TSR2: variants seen among roughly 807,000 people sequenced by gnomAD.
The protein encoded by TSR2 is pre-rRNA-processing protein TSR2 homolog.
TSR2 carries 1 observed loss-of-function variant against 13.3 expected under a neutral mutation model. That is an observed-to-expected ratio of 0.08 (90% CI 0.03 to 0.36). The LOEUF (loss-of-function observed/expected upper bound fraction) is 0.36, where lower values mean the gene tolerates loss of function less well. Ranked by LOEUF, TSR2 falls within the 10% of genes least tolerant of loss-of-function variation. The pLI, the probability that TSR2 is intolerant of heterozygous loss-of-function variation, is 0.99. For synonymous variants in TSR2, 60 were observed against 57.7 expected (o/e 1.04, Z -0.18); for missense variants, 120 against 151.1 (o/e 0.79, Z 1.08).
rs1922275581 is a variant in TSR2 at position 54,447,977 on chromosome X, C to T, written c.*3427C>T. 9.0e-6 allele frequency among the ~76,000 whole-genome samples: 1 copy of T among 111,311 alleles called. No individual in the cohort carries two copies. The highest frequency in any genetic ancestry group is 9.6e-5 in the Admixed American group (1 of 10,432). On this transcript the variant is annotated 3_prime_UTR_variant, in exon 5 of 5. Coordinates refer to ENST00000375151, the MANE Select transcript of TSR2 (RefSeq NM_058163.3). The stretch of plus-strand genomic sequence containing the variant: ...AAAGTGCTTAGAATAGTTCCTGGCA[C>T]AGAGTAAGTACTCTTTTAAGTGTTA...
intron 2 of TSR2, among the ~76,000 whole-genome samples, chrX:54,442,244 A>G (rs1921963748): frequency 9.0e-6 from 1 of 111,432 alleles, no homozygotes; most frequent in African/African-American, 3.3e-5. Context: ...CTAGAAACTG[A>G]TGAGGCCTGA....
rs1364991204 is a variant in TSR2 at position 54,440,776 on chromosome X, C to T, written c.168C>T (p.Arg56=). ...LGGAVEDYFM[R]NADLELDEVE... ...GTGCAGTGGAGGATTACTTCATGCGCAATGGTGAGTGAATGTGAGGCGCCG... is the reference window on the plus strand; with the variant it reads ...GTGCAGTGGAGGATTACTTCATGCGTAATGGTGAGTGAATGTGAGGCGCCG... Residue 56 remains arginine, a synonymous_variant, in exon 2 of 5, where the codon CGC becomes CGT. Coordinates refer to ENST00000375151, the MANE Select transcript of TSR2 (RefSeq NM_058163.3). 1 of 1,188,723 alleles carries T rather than the reference C, an allele frequency of 8.4e-7. No homozygotes were observed. Among genetic ancestry groups the T allele is most frequent in the Non-Finnish European group, 1.1e-6 (1 of 883,042 alleles).
intron 4 of TSR2, 99 bp downstream of exon 4, chrX:54,444,283 T>C: frequency 8.6e-7 from 1 of 1,160,274 alleles, no homozygotes; most frequent in Non-Finnish European, 1.2e-6. Flanking sequence ...TGGTGGTGGT[T>C]GGTGGTAGTA....
Position 54,444,572 on chromosome X carries a change from T to C in TSR2, c.*22T>C. 1 of 1,204,739 alleles carries C rather than the reference T, an allele frequency of 8.3e-7. No individual in the cohort carries two copies. Among genetic ancestry groups the C allele is most frequent in the Non-Finnish European group, 1.1e-6 (1 of 891,893 alleles). ...ATGAGTGGGGATGATTGGAAATGGC[T>C]TTGGGCCCTTATTTGCTGTTCTAAG... is the stretch of plus-strand genomic sequence containing the variant. On this transcript the variant is annotated 3_prime_UTR_variant, in exon 5 of 5. Transcript: ENST00000375151.
chrX:54,443,898 C>G, intron 3 of TSR2, 110 bp from the exon 4 acceptor site: 2 of 1,075,725 alleles, frequency 1.9e-6, no homozygotes, highest in Non-Finnish European at 2.5e-6. Context: ...GGAAAGAGCT[C>G]TGTTCTCTTC....
chrX:54,447,387 C>T lies in TSR2; in HGVS notation c.*2837C>T. 2 of 1,211,416 alleles carry T rather than the reference C, an allele frequency of 1.7e-6. No homozygotes were observed. The highest frequency in any genetic ancestry group is 2.2e-6 in the Non-Finnish European group (2 of 895,090). On this transcript the variant is annotated 3_prime_UTR_variant, in exon 5 of 5. Transcript: ENST00000375151. Reference sequence around the variant, plus strand: ...GAACCATGCCTTGTGCCATCCTTTGCCACCCTTCTCCATGTAGTGCAGGAA... The same window carrying T: ...GAACCATGCCTTGTGCCATCCTTTGTCACCCTTCTCCATGTAGTGCAGGAA...
At position 54,447,077 on chromosome X, in the gene TSR2, A is replaced by G. The variant is rs2147420713; in HGVS notation, c.*2527A>G. ...TTGGACCTAGCAGTTCCCCATCTCTACTCCTTCCAGGAAGCCAGGCCCACA... is the reference window on the plus strand; with the variant it reads ...TTGGACCTAGCAGTTCCCCATCTCTGCTCCTTCCAGGAAGCCAGGCCCACA... On this transcript the variant is annotated 3_prime_UTR_variant, in exon 5 of 5. Coordinates refer to ENST00000375151, the MANE Select transcript of TSR2 (RefSeq NM_058163.3). Among the ~76,000 whole-genome samples the G allele has an allele frequency of 9.1e-6, 1 of 110,414 alleles. No homozygotes were observed. The highest frequency in any genetic ancestry group is 9.7e-5 in the Admixed American group (1 of 10,357).
rs982602987 is a variant in TSR2 at position 54,443,949 on chromosome X, G to A, written c.265-59G>A. 10 of 1,176,921 alleles carry A rather than the reference G, an allele frequency of 8.5e-6. No homozygotes were observed. In the African/African-American group the frequency reaches 8.9e-5, roughly 10 times the overall value. ...TACTCCCCACTGTTGCTTCAAACACGTGCTGTTTGTATAGTAGATATCTGG... is the reference window on the plus strand; with the variant it reads ...TACTCCCCACTGTTGCTTCAAACACATGCTGTTTGTATAGTAGATATCTGG... On this transcript the variant is annotated intron_variant, in intron 3 of 4. Coordinates refer to ENST00000375151, the MANE Select transcript of TSR2 (RefSeq NM_058163.3).
At position 54,446,905 on chromosome X, in the gene TSR2, G is replaced by A. The variant is rs1922212879; in HGVS notation, c.*2355G>A. Among the ~76,000 whole-genome samples the A allele has an allele frequency of 9.1e-6, 1 of 109,639 alleles. No homozygotes were observed. Among genetic ancestry groups the A allele is most frequent in the Non-Finnish European group, 1.9e-5 (1 of 52,697 alleles). ...CGCCAGGCTAATTTTTGTATTTTTA[G>A]TAGAGACGGGGTTTCACCATGTTGG... is the stretch of plus-strand genomic sequence containing the variant. On this transcript the variant is annotated 3_prime_UTR_variant, in exon 5 of 5. Transcript: ENST00000375151.
rs779172502 is a variant in TSR2 at position 54,447,897 on chromosome X, A to G, written c.*3347A>G. ...GAATCCCAGCTCTAGATGAAAATGT[A>G]TTGACTTGGAGAGCAAAGAGAGCTG... On this transcript the variant is annotated 3_prime_UTR_variant, in exon 5 of 5. Coordinates refer to ENST00000375151, the MANE Select transcript of TSR2 (RefSeq NM_058163.3). 2.7e-5 allele frequency among the ~76,000 whole-genome samples: 3 copies of G among 112,087 alleles called. No individual in the cohort carries two copies. The highest frequency in any genetic ancestry group is 9.7e-5 in the African/African-American group (3 of 30,830).
rs1601947359 is a variant in TSR2, at chrX:54,447,073, C to T, written c.*2523C>T. Among the ~76,000 whole-genome samples the T allele has an allele frequency of 1.8e-5, 2 of 111,699 alleles. No individual in the cohort carries two copies. The highest frequency in any genetic ancestry group is 3.8e-4 in the South Asian group (1 of 2,662). Reference sequence around the variant, plus strand: ...CAAATTGGACCTAGCAGTTCCCCATCTCTACTCCTTCCAGGAAGCCAGGCC... The same window carrying T: ...CAAATTGGACCTAGCAGTTCCCCATTTCTACTCCTTCCAGGAAGCCAGGCC... On this transcript the variant is annotated 3_prime_UTR_variant, in exon 5 of 5. Transcript: ENST00000375151.
chrX:54,440,812 G>A, intron 2 of TSR2, 32 bp downstream of exon 2: 2 of 1,091,120 alleles, frequency 1.8e-6, no homozygotes, highest in East Asian at 6.3e-5. Context: ...CGACCCGCCT[G>A]TGTGGGGGTG....
At position 54,446,347 on chromosome X, in the gene TSR2, C is replaced by A; in HGVS notation, c.*1797C>A. The A allele has an allele frequency of 1.7e-6, 2 of 1,210,791 alleles. No homozygotes were observed. The highest frequency in any genetic ancestry group is 2.2e-6 in the Non-Finnish European group (2 of 894,957). Reference sequence around the variant, plus strand: ...CTTGAAGACATGCCTTCTGTCAGGCCGCTCCCCTGCCTCGGGCGGTCCCAC... The same window carrying A: ...CTTGAAGACATGCCTTCTGTCAGGCAGCTCCCCTGCCTCGGGCGGTCCCAC... On this transcript the variant is annotated 3_prime_UTR_variant, in exon 5 of 5. Transcript: ENST00000375151.
Position 54,447,104 on chromosome X carries a change from C to G in TSR2, c.*2554C>G, listed in dbSNP as rs1249380769. Among the ~76,000 whole-genome samples, 1 of 111,977 alleles carries G rather than the reference C, an allele frequency of 8.9e-6. No individual in the cohort carries two copies. The highest frequency in any genetic ancestry group is 1.9e-5 in the Non-Finnish European group (1 of 53,181). ...TCCTTCCAGGAAGCCAGGCCCACAA[C>G]TCATCCTGGTTTTCCCTACATACCA... is the stretch of plus-strand genomic sequence containing the variant. On this transcript the variant is annotated 3_prime_UTR_variant, in exon 5 of 5. Coordinates refer to ENST00000375151, the MANE Select transcript of TSR2 (RefSeq NM_058163.3).
At chrX:54,443,972 TG>T in intron 3 of TSR2, 35 bp from the exon 4 acceptor site, 1 of 1,201,069 alleles carries the variant, frequency 8.3e-7, no homozygotes, top group Non-Finnish European at 1.1e-6. Flanking sequence ...AGTAGATATC[TG>T]GAAAATCCAA....
chrX:54,441,734 C>T (rs776206813), intron 2 of TSR2, among the ~76,000 whole-genome samples: 1 of 110,746 alleles, frequency 9.0e-6, no homozygotes, highest in South Asian at 3.8e-4. Flanking sequence ...GGCGTGTGTG[C>T]GTGGGGGGTG....
Position 54,447,648 on chromosome X carries a change from G to C in TSR2, c.*3098G>C, listed in dbSNP as rs756607152. Among the ~76,000 whole-genome samples the C allele has an allele frequency of 8.9e-6, 1 of 112,900 alleles. No homozygotes were observed. The highest frequency in any genetic ancestry group is 2.8e-4 in the East Asian group (1 of 3,593). ...CTGAGATTCAAAGCTAGGTTCGTCT[G>C]CCTCATTTGGGCAACGGCTGCTGCC... On this transcript the variant is annotated 3_prime_UTR_variant, in exon 5 of 5. Coordinates refer to ENST00000375151, the MANE Select transcript of TSR2 (RefSeq NM_058163.3).
At position 54,446,494 on chromosome X, in the gene TSR2, A is replaced by T. The variant is rs1601946776; in HGVS notation, c.*1944A>T. ...CCCCAGCTTCTAACTGGTTTTGCAT[A>T]TGCTCTGTCTTCAGTCCCCTACTCA... On this transcript the variant is annotated 3_prime_UTR_variant, in exon 5 of 5. Transcript: ENST00000375151. 2.1e-6 allele frequency: 2 copies of T among 975,169 alleles called. No homozygotes were observed. The highest frequency in any genetic ancestry group is 2.8e-6 in the Non-Finnish European group (2 of 704,162). The allele number at this position is 975,169 out of a possible 1,213,427, so 80.4% of individuals were successfully genotyped here. A position where few individuals can be genotyped will look rare whatever the true frequency, so the allele number is the denominator to read the frequency against.
Position 54,440,770 on chromosome X carries a change from C to A in TSR2, c.162C>A (p.Phe54Leu). 8.4e-7 allele frequency: 1 copy of A among 1,196,826 alleles called. No homozygotes were observed. The highest frequency in any genetic ancestry group is 1.1e-6 in the Non-Finnish European group (1 of 887,660). The change falls in exon 2 of 5, where the codon TTC (phenylalanine) becomes TTA (leucine). Residue 54 changes from phenylalanine to leucine, a missense_variant. Phe to Leu is a conservative substitution (Grantham distance 22). Around this residue, in one of 3 missense-constraint regions of TSR2, gnomAD observed 53 missense variants for 52.3 expected, o/e 1.01. Transcript: ENST00000375151. ...KWLGGAVEDY[F>L]MRNADLELDE... ...TGGGGGGTGCAGTGGAGGATTACTTCATGCGCAATGGTGAGTGAATGTGAG... is the reference window on the plus strand; with the variant it reads ...TGGGGGGTGCAGTGGAGGATTACTTAATGCGCAATGGTGAGTGAATGTGAG...
Sources: gnomAD v4.1 joint callset for allele counts (sites outside exome capture counted in the v4.1 genomes callset) on GRCh38, gnomAD v4.1.1 for gene constraint, gnomAD v4.1.1 regional missense constraint, MANE v1.5 for transcripts, NCBI Gene and HGNC (gene_info 2026-07-23, HGNC 2026-07-21) for gene names.